CAST: variants seen among roughly 807,000 people sequenced by gnomAD.
CAST encodes the protein calpastatin.
In CAST, 76 loss-of-function variants were observed where a neutral mutation model predicts 119.6. The ratio of observed to expected loss-of-function variants is 0.64; its 90% CI spans 0.53 to 0.77. CAST has a LOEUF of 0.77. Among genes scored for constraint, CAST ranks in the 30% least tolerant of loss-of-function variants. The pLI is 0.00. For synonymous variants in CAST, 319 were observed against 331.6 expected (o/e 0.96, Z 0.41); for missense variants, 953 against 946.5 (o/e 1.01, Z -0.09).
chr5:96,389,704 G>A, the CAST span, among the ~76,000 whole-genome samples: 3 of 152,082 alleles, frequency 2.0e-5, no homozygotes, highest in Non-Finnish European at 4.4e-5. Flanking sequence ...GGGAGGCTGG[G>A]GCAGGTGGAT....
the CAST span, among the ~76,000 whole-genome samples, chr5:96,158,065 A>G: frequency 6.9e-6 from 1 of 145,088 alleles, no homozygotes; most frequent in Non-Finnish European, 1.5e-5. Flanking sequence ...CCCCAAAACA[A>G]ACCAGAAAAC....
the CAST span, among the ~76,000 whole-genome samples, chr5:96,375,900 T>TATATATATATATAA: frequency 7.6e-6 from 1 of 131,482 alleles, no homozygotes; most frequent in Non-Finnish European, 1.5e-5. Context: ...TCTCTCTCTC[T>TATATATATATATAA]ATATATATAT....
chr5:96,258,035 T>TAA, the CAST span, among the ~76,000 whole-genome samples: 1 of 152,080 alleles, frequency 6.6e-6, no homozygotes, highest in Non-Finnish European at 1.5e-5. Context: ...GTATGCTGCA[T>TAA]AAGGATTCAT....
At chr5:96,020,596 T>C in the CAST span, among the ~76,000 whole-genome samples, 1 of 152,194 alleles carries the variant, frequency 6.6e-6, no homozygotes, top group South Asian at 2.1e-4. Flanking sequence ...GCTCCTGCAA[T>C]CTAGGTTGCA....
the CAST span, among the ~76,000 whole-genome samples, chr5:96,034,091 T>A: frequency 6.6e-6 from 1 of 152,010 alleles, no homozygotes; most frequent in African/African-American, 2.4e-5. Context: ...GACAACACAG[T>A]GAGACCCTGT....
chr5:96,159,796 T>TTTA, the CAST span, among the ~76,000 whole-genome samples: 5 of 152,132 alleles, frequency 3.3e-5, no homozygotes, highest in African/African-American at 1.2e-4. Context: ...GTTTGTTTGT[T>TTTA]TTAAAAATAA....
chr5:96,390,771 A>G, the CAST span: 3 of 152,670 alleles, frequency 2.0e-5, no homozygotes, highest in Non-Finnish European at 4.4e-5. Context: ...TTTCACAAAA[A>G]TCCACACAGG....
chr5:96,418,697 C>G, the CAST span, among the ~76,000 whole-genome samples: 4 of 152,118 alleles, frequency 2.6e-5, no homozygotes, highest in Admixed American at 2.6e-4. Flanking sequence ...ATTTTCTAAA[C>G]CTAAGGGCTT....
the CAST span, among the ~76,000 whole-genome samples, chr5:96,008,172 A>G: frequency 6.6e-6 from 1 of 152,226 alleles, no homozygotes; most frequent in Non-Finnish European, 1.5e-5. Flanking sequence ...ACCTGAGCTA[A>G]GATGCAGACC....
chr5:96,304,388 A>G, the CAST span, among the ~76,000 whole-genome samples: 1 of 152,154 alleles, frequency 6.6e-6, no homozygotes, highest in African/African-American at 2.4e-5. Context: ...ATTTTCTCCC[A>G]TTCTGTAGGT....
the CAST span, among the ~76,000 whole-genome samples, chr5:96,023,296 T>C: frequency 2.0e-5 from 3 of 152,208 alleles, no homozygotes; most frequent in Non-Finnish European, 4.4e-5. Flanking sequence ...TGGCTCTGGA[T>C]AAATAGCTCT....
chr5:96,278,939 C>A, the CAST span, among the ~76,000 whole-genome samples: 15 of 152,108 alleles, frequency 9.9e-5, no homozygotes, highest in Non-Finnish European at 1.9e-4. Context: ...CTTATAATGA[C>A]CATATAAGCA....
At chr5:96,476,916 G>T in the CAST span, among the ~76,000 whole-genome samples, 3 of 128,122 alleles carry the variant, frequency 2.3e-5, no homozygotes, top group East Asian at 6.6e-4. Context: ...CACCAGTCAT[G>T]ATGTGGATGG....
At chr5:95,967,704 TCCAC>T in the CAST span, among the ~76,000 whole-genome samples, 2 of 152,156 alleles carry the variant, frequency 1.3e-5, no homozygotes, top group Non-Finnish European at 2.9e-5. Context: ...TGCTTCCCCT[TCCAC>T]CATGATTGTT....
intron 1 of CAST, among the ~76,000 whole-genome samples, chr5:96,576,774 G>A (rs141954117): frequency 1.3e-4 from 19 of 151,454 alleles, no homozygotes; most frequent in African/African-American, 2.7e-4. Flanking sequence ...TTTTGTTTTC[G>A]TTTTTGTTTT....
At chr5:96,715,520 T>G (rs1757041215) in intron 3 of CAST, among the ~76,000 whole-genome samples, 1 of 152,268 alleles carries the variant, frequency 6.6e-6, no homozygotes, top group Admixed American at 6.5e-5. Context: ...GTTATTTAAC[T>G]TCTCTAAGCA....
chr5:96,261,334 A>T, the CAST span, among the ~76,000 whole-genome samples: 29 of 152,358 alleles, frequency 1.9e-4, no homozygotes, highest in Middle Eastern at 6.8e-3. Context: ...CTGTTTTCTG[A>T]GAAAGAAACA....
At chr5:96,469,372 T>A in the CAST span, among the ~76,000 whole-genome samples, 1 of 152,058 alleles carries the variant, frequency 6.6e-6, no homozygotes, top group Non-Finnish European at 1.5e-5. Context: ...TGGGATGGTT[T>A]GTGAAAAGAT....
intron 1 of CAST, chr5:96,663,239 C>T (rs1170009989): frequency 1.4e-6 from 1 of 702,338 alleles, no homozygotes; most frequent in Non-Finnish European, 2.6e-6. Flanking sequence ...TTGCTTTGCC[C>T]TTCTGGGCGT....
Sources: allele counts gnomAD v4.1 joint callset (sites outside exome capture counted in the v4.1 genomes callset), GRCh38; gene constraint gnomAD v4.1.1; transcripts MANE v1.5; gene names NCBI Gene and HGNC (gene_info 2026-07-23, HGNC 2026-07-21).